GABRG3: variants seen among roughly 807,000 people sequenced by gnomAD.
GABRG3 encodes the protein gamma-aminobutyric acid type A receptor subunit gamma3.
GABRG3 carries 25 observed loss-of-function variants against 48.8 expected under a neutral mutation model. The observed-to-expected ratio is 0.51, with a 90% CI of 0.37 to 0.72. The LOEUF (loss-of-function observed/expected upper bound fraction) is 0.72, where lower values mean the gene tolerates loss of function less well. Among genes scored for constraint, GABRG3 ranks in the 30% least tolerant of loss-of-function variants. GABRG3 has a pLI of 0.00. For synonymous variants in GABRG3, 227 were observed against 217.6 expected (o/e 1.04, Z -0.38); for missense variants, 394 against 577.9 (o/e 0.68, Z 3.26).
At chr15:27,323,141 C>G (rs1018557725) in intron 3 of GABRG3, among the ~76,000 whole-genome samples, 22 of 152,152 alleles carry the variant, frequency 1.4e-4, no homozygotes, top group African/African-American at 4.8e-4. Context: ...TCACTCTTTG[C>G]CTTACCCTGT....
rs1427643344 is a variant in GABRG3, at chr15:27,406,335, G to A, written c.575-74315G>A. On this transcript the variant is annotated intron_variant, in intron 5 of 9. Coordinates refer to ENST00000615808, the MANE Select transcript of GABRG3 (RefSeq NM_033223.5). Reference sequence around the variant, plus strand: ...GCCATTCCCACATGAGTGTGGGCTGGACTTAATGATTTTTTTTAAGACTAG... The same window carrying A: ...GCCATTCCCACATGAGTGTGGGCTGAACTTAATGATTTTTTTTAAGACTAG... Among the ~76,000 whole-genome samples the A allele has an allele frequency of 3.9e-5, 6 of 152,172 alleles. No individual in the cohort carries two copies. The East Asian group carries it at 5.8e-4, about 15-fold the overall frequency.
chr15:27,074,816 G>A (rs1339762866), intron 3 of GABRG3, among the ~76,000 whole-genome samples: 1 of 152,138 alleles, frequency 6.6e-6, no homozygotes, highest in African/African-American at 2.4e-5. Context: ...GGATGGCACA[G>A]GTGGAAAGCG....
At chr15:27,120,652 G>A (rs1481564577) in intron 3 of GABRG3, among the ~76,000 whole-genome samples, 1 of 152,192 alleles carries the variant, frequency 6.6e-6, no homozygotes, top group East Asian at 1.9e-4. Flanking sequence ...CCTGGACTGG[G>A]CTCCTAGTAA....
chr15:27,510,201 G>C (rs1453527800), intron 6 of GABRG3, among the ~76,000 whole-genome samples: 1 of 152,172 alleles, frequency 6.6e-6, no homozygotes, highest in Non-Finnish European at 1.5e-5. Context: ...TGGGTGGTTG[G>C]ATCAAGGGAT....
intron 6 of GABRG3, among the ~76,000 whole-genome samples, chr15:27,504,244 G>T (rs747538545): frequency 4.0e-5 from 6 of 151,534 alleles, no homozygotes; most frequent in Non-Finnish European, 5.9e-5. Flanking sequence ...CTCATCTTTT[G>T]TTCTTTTTCT....
At chr15:27,292,872 T>A (rs1891841585) in intron 3 of GABRG3, among the ~76,000 whole-genome samples, 1 of 152,152 alleles carries the variant, frequency 6.6e-6, no homozygotes, top group Non-Finnish European at 1.5e-5. Context: ...CAGGACTATT[T>A]CCATAGCAAC....
At position 27,474,704 on chromosome 15, in the gene GABRG3, G is replaced by A. The variant is rs188342907; in HGVS notation, c.575-5946G>A. ...CTATTAAGTCTTTGAGAAAACTATG[G>A]AAGACAGGCTGTATTTTAAATGATT... On this transcript the variant is annotated intron_variant, in intron 5 of 9. Coordinates refer to ENST00000615808, the MANE Select transcript of GABRG3 (RefSeq NM_033223.5). 3.3e-5 allele frequency among the ~76,000 whole-genome samples: 5 copies of A among 152,294 alleles called. No homozygotes were observed. The East Asian group carries it at 9.7e-4, about 29-fold the overall frequency.
At chr15:27,411,473 C>T (rs1007552866) in intron 5 of GABRG3, among the ~76,000 whole-genome samples, 1 of 152,152 alleles carries the variant, frequency 6.6e-6, no homozygotes, top group African/African-American at 2.4e-5. Flanking sequence ...ATATTTAATA[C>T]CCCATAGCTT....
chr15:27,032,948 C>A (rs1896111226), intron 3 of GABRG3, among the ~76,000 whole-genome samples: 1 of 152,194 alleles, frequency 6.6e-6, no homozygotes, highest in Non-Finnish European at 1.5e-5. Context: ...GAGGTCCCAA[C>A]TGAGGGCCTG....
chr15:27,519,863 G>A, intron 6 of GABRG3, 109 bp from the exon 7 acceptor site: 2 of 763,320 alleles, frequency 2.6e-6, no homozygotes, highest in South Asian at 2.0e-5. Flanking sequence ...TGTTGTAGTT[G>A]TGCATTTTTA....
intron 3 of GABRG3, among the ~76,000 whole-genome samples, chr15:27,143,236 G>A (rs760550797): frequency 1.3e-5 from 2 of 152,064 alleles, no homozygotes; most frequent in Middle Eastern, 3.2e-3. Flanking sequence ...GTGCCACCAC[G>A]CCTGGATAAT....
chr15:27,152,969 T>G (rs1466265751), intron 3 of GABRG3, among the ~76,000 whole-genome samples: 1 of 151,964 alleles, frequency 6.6e-6, no homozygotes, highest in Non-Finnish European at 1.5e-5. Context: ...CACGCCGTTC[T>G]CCTGCCTCAG....
intron 5 of GABRG3, among the ~76,000 whole-genome samples, chr15:27,330,104 G>C (rs112894498): frequency 0.059 from 8,958 of 152,234 alleles, 500 homozygotes; most frequent in African/African-American, 0.15. Context: ...AGCTGAGCGT[G>C]GTGGCAGGTG....
At chr15:27,434,989 C>A (rs971552861) in intron 5 of GABRG3, among the ~76,000 whole-genome samples, 7 of 152,106 alleles carry the variant, frequency 4.6e-5, no homozygotes, top group Admixed American at 2.0e-4. Flanking sequence ...GATACCCCAG[C>A]TGTTCACGCA....
intron 6 of GABRG3, among the ~76,000 whole-genome samples, chr15:27,492,008 G>A (rs184959057): frequency 2.0e-4 from 30 of 152,106 alleles, no homozygotes; most frequent in Non-Finnish European, 3.2e-4. Context: ...ATCAAACCAC[G>A]TTGGGGTAAT....
At chr15:27,251,127 A>G (rs922060234) in intron 3 of GABRG3, among the ~76,000 whole-genome samples, 3 of 152,176 alleles carry the variant, frequency 2.0e-5, no homozygotes, top group Non-Finnish European at 2.9e-5. Context: ...GGGAAGGTCA[A>G]CCTTGTTGTT....
intron 5 of GABRG3, among the ~76,000 whole-genome samples, chr15:27,414,737 C>T (rs1887893214): frequency 6.6e-6 from 1 of 152,186 alleles, no homozygotes; most frequent in Non-Finnish European, 1.5e-5. Flanking sequence ...AGACTCTGAA[C>T]ATCTACTGTC....
chr15:27,306,814 TTATA>T (rs1258205193), intron 3 of GABRG3, among the ~76,000 whole-genome samples: 5 of 90,696 alleles, frequency 5.5e-5, no homozygotes, highest in South Asian at 3.8e-4. Flanking sequence ...ATAAACATGT[TTATA>T]TATAAACATA....
chr15:27,106,740 A>G (rs1250109258), intron 3 of GABRG3, among the ~76,000 whole-genome samples: 1 of 152,074 alleles, frequency 6.6e-6, no homozygotes, highest in Non-Finnish European at 1.5e-5. Context: ...AATGAGGGAT[A>G]TCACTATAGG....
Sources: gnomAD v4.1 joint callset for allele counts (sites outside exome capture counted in the v4.1 genomes callset) on GRCh38, gnomAD v4.1.1 for gene constraint, MANE v1.5 for transcripts, NCBI Gene and HGNC (gene_info 2026-07-23, HGNC 2026-07-21) for gene names.